PACRG: variants seen among roughly 807,000 people sequenced by gnomAD.
PACRG encodes parkin coregulated.
Under a neutral mutation model 29.7 loss-of-function variants are expected in PACRG, and 29 were observed. The observed-to-expected ratio is 0.98, with a 90% CI of 0.73 to 1.33. The LOEUF is 1.33. PACRG is among the 40% of genes most tolerant of loss of function. PACRG has a pLI of 0.00. For missense variants in PACRG, 279 were observed against 316.2 expected, an observed-to-expected ratio of 0.88 and a Z score of 0.89; for synonymous variants, 116 against 118.7, an observed-to-expected ratio of 0.98 and a Z score of 0.15.
chr6:162,959,759 G>A (rs1800455576), intron 2 of PACRG, among the ~76,000 whole-genome samples: 1 of 152,148 alleles, frequency 6.6e-6, no homozygotes, highest in Admixed American at 6.5e-5. Flanking sequence ...TTGGACCAAG[G>A]TGCAGATGGT....
At chr6:162,731,924 C>T (rs1224435961) in intron 1 of PACRG, among the ~76,000 whole-genome samples, 4 of 152,098 alleles carry the variant, frequency 2.6e-5, no homozygotes, top group African/African-American at 4.8e-5. Flanking sequence ...GGGCAGCATT[C>T]CCCATGAGGC....
In PACRG at chr6:163,186,101, T is replaced by A. The variant is rs569075309; in HGVS notation, c.613+96693T>A. 2.5e-4 allele frequency among the ~76,000 whole-genome samples: 38 copies of A among 152,312 alleles called. No individual in the cohort carries two copies. In the South Asian group the frequency reaches 7.5e-3, roughly 30 times the overall value. Reference sequence around the variant, plus strand: ...CTCAGCTCAGCTTGCAGGCACCCTCTGAGACGCAGGCACTGCCCCCTTATA... The same window carrying A: ...CTCAGCTCAGCTTGCAGGCACCCTCAGAGACGCAGGCACTGCCCCCTTATA... On this transcript the variant is annotated intron_variant, in intron 4 of 4. Coordinates refer to ENST00000366888, the MANE Select transcript of PACRG (RefSeq NM_001080379.2).
At chr6:163,168,567 C>CAACAACAAG (rs1433671646) in intron 4 of PACRG, among the ~76,000 whole-genome samples, 3 of 151,812 alleles carry the variant, frequency 2.0e-5, no homozygotes, top group African/African-American at 7.3e-5. Context: ...AAAACAACAA[C>CAACAACAAG]AAGAACTCTG....
At chr6:162,863,833 T>C (rs1792072881) in intron 2 of PACRG, among the ~76,000 whole-genome samples, 1 of 152,256 alleles carries the variant, frequency 6.6e-6, no homozygotes, top group Admixed American at 6.5e-5. Flanking sequence ...AAATTATTCA[T>C]GCTCTCATAC....
chr6:163,301,397 C>T (rs1784997320), intron 4 of PACRG, among the ~76,000 whole-genome samples: 1 of 152,160 alleles, frequency 6.6e-6, no homozygotes, highest in South Asian at 2.1e-4. Flanking sequence ...TAAGCTTAAG[C>T]TATAAATTGT....
At chr6:163,179,675 C>T (rs1430002404) in intron 4 of PACRG, among the ~76,000 whole-genome samples, 1 of 150,780 alleles carries the variant, frequency 6.6e-6, no homozygotes, top group African/African-American at 2.5e-5. Context: ...TGCCACTGCA[C>T]TCCAGCCGGA....
intron 2 of PACRG, among the ~76,000 whole-genome samples, chr6:162,872,116 A>G (rs1046387025): frequency 6.6e-6 from 1 of 152,202 alleles, no homozygotes; most frequent in Non-Finnish European, 1.5e-5. Flanking sequence ...AGGAGGCTCA[A>G]GAACAGAGAG....
At chr6:162,880,735 T>C (rs1793764096) in intron 2 of PACRG, among the ~76,000 whole-genome samples, 1 of 152,212 alleles carries the variant, frequency 6.6e-6, no homozygotes, top group South Asian at 2.1e-4. Flanking sequence ...GCCTCATACG[T>C]ATTACAAAAA....
chr6:162,962,345 T>A (rs1211501074), intron 2 of PACRG, among the ~76,000 whole-genome samples: 2 of 152,104 alleles, frequency 1.3e-5, no homozygotes, highest in African/African-American at 4.8e-5. Context: ...AGTGAATGAG[T>A]GCATTTGTTT....
intron 2 of PACRG, among the ~76,000 whole-genome samples, chr6:163,024,541 G>A (rs1806940588): frequency 6.6e-6 from 1 of 152,110 alleles, no homozygotes; most frequent in South Asian, 2.1e-4. Context: ...TTGCTTAGAA[G>A]CGCTTTGGCT....
chr6:162,853,835 C>A lies in PACRG; in HGVS notation c.291+39554C>A, dbSNP rs1562665921. ...TTAACCTCTTTCTAAGTCTTGGTTTCCTTGTTTGTATCTATGTATCTACCT... is the reference window on the plus strand; with the variant it reads ...TTAACCTCTTTCTAAGTCTTGGTTTACTTGTTTGTATCTATGTATCTACCT... On this transcript the variant is annotated intron_variant, in intron 2 of 4. Transcript: ENST00000366888. This position sits in a 1 kb window ranked among gnomAD's most constrained non-coding sequence, Gnocchi z 4.7. Among the ~76,000 whole-genome samples, 3 of 152,070 alleles carry A rather than the reference C, an allele frequency of 2.0e-5. No individual in the cohort carries two copies. The highest frequency in any genetic ancestry group is 4.4e-5 in the Non-Finnish European group (3 of 68,000).
At chr6:163,126,409 T>G (rs886597470) in intron 4 of PACRG, among the ~76,000 whole-genome samples, 1 of 152,198 alleles carries the variant, frequency 6.6e-6, no homozygotes, top group African/African-American at 2.4e-5. Context: ...TCTGTTCATT[T>G]CACAGAACTA....
At chr6:162,739,650 C>T (rs149907136) in intron 1 of PACRG, among the ~76,000 whole-genome samples, 2,291 of 151,832 alleles carry the variant, frequency 0.015, 63 homozygotes, top group African/African-American at 0.051. Flanking sequence ...GAGACCATCC[C>T]GGCTAACATG....
chr6:163,199,124 C>T (rs1429893510), intron 4 of PACRG, among the ~76,000 whole-genome samples: 2 of 152,118 alleles, frequency 1.3e-5, no homozygotes, highest in Non-Finnish European at 2.9e-5. Context: ...TTCCCTTGAG[C>T]TTAGTGATTT....
intron 3 of PACRG, among the ~76,000 whole-genome samples, chr6:163,079,887 A>ATTTTTT (rs1585165556): frequency 6.9e-5 from 8 of 115,194 alleles, no homozygotes; most frequent in African/African-American, 2.6e-4. Context: ...TGTAGCAGTC[A>ATTTTTT]TTCTTTTTTT....
chr6:163,245,979 C>A (rs905484519), intron 4 of PACRG, among the ~76,000 whole-genome samples: 3 of 152,186 alleles, frequency 2.0e-5, no homozygotes, highest in Non-Finnish European at 4.4e-5. Flanking sequence ...AATCTGCTCA[C>A]CCCTCAGCGC....
intron 2 of PACRG, among the ~76,000 whole-genome samples, chr6:162,889,856 T>C (rs1794629620): frequency 6.6e-6 from 1 of 152,252 alleles, no homozygotes. Flanking sequence ...AGGTACAGCA[T>C]AAAGCACCAG....
intron 4 of PACRG, among the ~76,000 whole-genome samples, chr6:163,159,343 TAATA>T (rs1186870930): frequency 2.7e-5 from 4 of 148,916 alleles, no homozygotes; most frequent in Non-Finnish European, 5.9e-5. Flanking sequence ...TAGCTAAAAA[TAATA>T]AATGATTTAT....
chr6:162,846,224 C>T (rs1276140319), intron 2 of PACRG, among the ~76,000 whole-genome samples: 3 of 152,118 alleles, frequency 2.0e-5, no homozygotes. Flanking sequence ...CTAGCCCTGC[C>T]AGACTCAGTC....
Sources: gnomAD v4.1 joint callset for allele counts (sites outside exome capture counted in the v4.1 genomes callset) on GRCh38, gnomAD v4.1.1 for gene constraint, Gnocchi (gnomAD v3.1) non-coding constraint, MANE v1.5 for transcripts, NCBI Gene and HGNC (gene_info 2026-07-23, HGNC 2026-07-21) for gene names.